The following INTU variants were observed in gnomAD, a reference collection of about 807,000 sequenced individuals.
The protein encoded by INTU is protein inturned.
Under a neutral mutation model 100.5 loss-of-function variants are expected in INTU, and 68 were observed. That is an observed-to-expected ratio of 0.68 (90% CI 0.56 to 0.83). The LOEUF is 0.83. Ranked by LOEUF, INTU falls within the 40% of genes least tolerant of loss-of-function variation. The pLI is 0.00. For missense variants in INTU, 1,071 were observed against 1,114.7 expected, an observed-to-expected ratio of 0.96 and a Z score of 0.56; for synonymous variants, 357 against 395.7, an observed-to-expected ratio of 0.90 and a Z score of 1.16.
chr4:127,636,690 C>T (rs1727089592), intron 1 of INTU, among the ~76,000 whole-genome samples: 1 of 151,014 alleles, frequency 6.6e-6, no homozygotes, highest in African/African-American at 2.4e-5. Context: ...TTTGTTCTGC[C>T]AGAGTTACAT....
At chr4:127,671,134 A>T (rs1328458446) in intron 5 of INTU, among the ~76,000 whole-genome samples, 1 of 152,104 alleles carries the variant, frequency 6.6e-6, no homozygotes, top group East Asian at 1.9e-4. Context: ...TAAACTGAAA[A>T]GTTTCTACAC....
Position 127,706,831 on chromosome 4 carries a change from T to G in INTU, c.2133T>G (p.Cys711Trp), listed in dbSNP as rs781734583. The stretch of plus-strand genomic sequence containing the variant: ...AGACACGCAAGCCTAGTCCTTCCTG[T>G]AGTAGTGGAGGATCTGACAATGGTT... ...SLKTRKPSPS[C>W]SSGGSDNGCE... Residue 711 changes from cysteine (C) to tryptophan (W), a missense_variant, in exon 12 of 16, where the codon TGT becomes TGG. Transcript: ENST00000335251. The G allele has an allele frequency of 1.4e-5, 22 of 1,614,058 alleles. No homozygotes were observed. Among genetic ancestry groups the G allele is most frequent in the Middle Eastern group, 1.7e-4 (1 of 6,056 alleles).
intron 13 of INTU, among the ~76,000 whole-genome samples, chr4:127,709,187 G>A (rs1309991949): frequency 6.6e-6 from 1 of 152,196 alleles, no homozygotes; most frequent in African/African-American, 2.4e-5. Flanking sequence ...AAATAAGTGA[G>A]TACAAAGGCT....
chr4:127,702,846 G>A (rs1042609757), intron 9 of INTU, among the ~76,000 whole-genome samples: 7 of 152,026 alleles, frequency 4.6e-5, no homozygotes, highest in African/African-American at 1.4e-4. Flanking sequence ...CTGTCCCCAT[G>A]ATTTTGCCTT....
intron 5 of INTU, among the ~76,000 whole-genome samples, 167 bp downstream of exon 5, chr4:127,669,321 C>A (rs1360728686): frequency 6.6e-6 from 1 of 151,578 alleles, no homozygotes; most frequent in Non-Finnish European, 1.5e-5. Context: ...TATATCTATA[C>A]ATTATAGATA....
At chr4:127,665,562 G>A (rs548548183) in intron 4 of INTU, among the ~76,000 whole-genome samples, 1 of 152,194 alleles carries the variant, frequency 6.6e-6, no homozygotes, top group South Asian at 2.1e-4. Context: ...TAGGCTACTT[G>A]CTATAACAAA....
intron 2 of INTU, 127 bp from the exon 3 acceptor site, chr4:127,656,509 G>T (rs1728232868): frequency 1.6e-6 from 1 of 627,670 alleles, no homozygotes; most frequent in Non-Finnish European, 2.9e-6. Flanking sequence ...ACAAGTTCCT[G>T]CTTGTCTGCA....
chr4:127,634,125 G>T (rs1726964088), intron 1 of INTU, among the ~76,000 whole-genome samples: 1 of 152,162 alleles, frequency 6.6e-6, no homozygotes, highest in Admixed American at 6.5e-5. Flanking sequence ...GTATGTAAAA[G>T]ATTTTTATCA....
At chr4:127,667,540 G>T (rs73847037) in intron 4 of INTU, among the ~76,000 whole-genome samples, 2,647 of 152,124 alleles carry the variant, frequency 0.017, 67 homozygotes, top group African/African-American at 0.06. Context: ...CAAGTCACAA[G>T]ATTTCAAAAT....
Position 127,644,026 on chromosome 4 carries a change from T to TC in INTU, c.653dup (p.Ala219CysfsTer11). On this transcript the variant is annotated frameshift_variant, in exon 2 of 16. Coordinates refer to ENST00000335251, the MANE Select transcript of INTU (RefSeq NM_015693.4). LOFTEE classifies it high-confidence loss of function. ...GGTTCATGGCCTGCTGCCAGGGGGA[T>TC]CTGCTATGAAGAGCGGTCAGGTACT... 1.9e-6 allele frequency: 3 copies of TC among 1,614,128 alleles called. No homozygotes were observed. The highest frequency in any genetic ancestry group is 2.5e-6 in the Non-Finnish European group (3 of 1,179,962).
chr4:127,707,044 AT>A, intron 12 of INTU, 75 bp downstream of exon 12: 3 of 1,472,380 alleles, frequency 2.0e-6, no homozygotes, highest in Non-Finnish European at 2.7e-6. Context: ...ATTGCAAGAC[AT>A]TTTTTTAGTG....
At chr4:127,647,991 G>A (rs2126182702) in intron 2 of INTU, among the ~76,000 whole-genome samples, 1 of 152,160 alleles carries the variant, frequency 6.6e-6, no homozygotes, top group South Asian at 2.1e-4. Flanking sequence ...GAAATTGATG[G>A]CTTTTCTCAC....
In INTU at chr4:127,722,789, C is replaced by T. The variant is rs1036102097; in HGVS notation, c.*6353C>T. On this transcript the variant is annotated 3_prime_UTR_variant, in exon 16 of 16. Transcript: ENST00000335251. ...GCCTCCCCTCCCTTCTCCCCCCTCT[C>T]CTTCCCCACTTCCAGAACTCAGTCG... 6.6e-6 allele frequency: 1 copy of T among 152,468 alleles called. No individual in the cohort carries two copies. The highest frequency in any genetic ancestry group is 1.5e-5 in the Non-Finnish European group (1 of 68,268). The allele number at this position is 152,468 out of a possible 1,614,324, so 9.4% of individuals were successfully genotyped here.
chr4:127,691,962 G>GTGTGTGTATATATATATA lies in INTU; in HGVS notation c.1449+4096_1449+4097insGTGTGTATATATATATAT. ...GGCGGAGTATAGTGTTCCATGGTAT[G>GTGTGTGTATATATATATA]TATATATATATATATATATGTCACA... On this transcript the variant is annotated intron_variant, in intron 8 of 15. Transcript: ENST00000335251. 6.1e-4 allele frequency among the ~76,000 whole-genome samples: 60 copies of GTGTGTGTATATATATATA among 98,260 alleles called. 6 individuals are homozygous for GTGTGTGTATATATATATA. Among genetic ancestry groups the GTGTGTGTATATATATATA allele is most frequent in the African/African-American group, 2.2e-3 (55 of 24,936 alleles). 64.5% of individuals were successfully genotyped at this position (98,260 alleles called of 152,430 possible).
rs1728806946 is a variant in INTU, at chr4:127,668,913, A to G, written c.973-123A>G. The G allele has an allele frequency of 1.4e-5, 8 of 553,020 alleles. No homozygotes were observed. In the East Asian group the frequency reaches 2.0e-4, roughly 14 times the overall value. The allele number at this position is 553,020 out of a possible 1,614,324, so 34.3% of individuals were successfully genotyped here. ...ATAGTTCTCCCCTTGTGTTTGAACA[A>G]AACTCCCACTGAAGCTGAAAGGATT... On this transcript the variant is annotated intron_variant, in intron 4 of 15. Transcript: ENST00000335251.
chr4:127,688,529 A>T (rs1022864432), intron 8 of INTU, among the ~76,000 whole-genome samples: 3 of 152,198 alleles, frequency 2.0e-5, no homozygotes, highest in Non-Finnish European at 2.9e-5. Context: ...TGCCATAGCC[A>T]CTTCTCTGCT....
At position 127,717,114 on chromosome 4, in the gene INTU, A is replaced by T. The variant is rs1731280015; in HGVS notation, c.*678A>T. ...CCATCACCTAGGTATTAAGCCTAGCATGCATTAGCTATTTTTCCTAATACT... is the reference window on the plus strand; with the variant it reads ...CCATCACCTAGGTATTAAGCCTAGCTTGCATTAGCTATTTTTCCTAATACT... On this transcript the variant is annotated 3_prime_UTR_variant, in exon 16 of 16. Coordinates refer to ENST00000335251, the MANE Select transcript of INTU (RefSeq NM_015693.4). 2 of 152,106 alleles carry T rather than the reference A, an allele frequency of 1.3e-5. No individual in the cohort carries two copies. The highest frequency in any genetic ancestry group is 2.9e-5 in the Non-Finnish European group (2 of 67,998). The allele number at this position is 152,106 out of a possible 1,614,324, so 9.4% of individuals were successfully genotyped here. A position where few individuals can be genotyped will look rare whatever the true frequency, so the allele number is the denominator to read the frequency against.
At chr4:127,660,116 G>GTGGT (rs1442142952) in intron 3 of INTU, among the ~76,000 whole-genome samples, 3 of 152,164 alleles carry the variant, frequency 2.0e-5, no homozygotes. Context: ...AGGAAACCAG[G>GTGGT]TGGTTGGGTT....
intron 8 of INTU, among the ~76,000 whole-genome samples, chr4:127,692,434 ATTGT>A (rs1730190479): frequency 6.6e-6 from 1 of 151,326 alleles, no homozygotes; most frequent in South Asian, 2.1e-4. Context: ...TTTTGATGGG[ATTGT>A]TTGTTTTTTT....
Sources: allele counts gnomAD v4.1 joint callset (sites outside exome capture counted in the v4.1 genomes callset), GRCh38; gene constraint gnomAD v4.1.1; transcripts MANE v1.5; gene names NCBI Gene and HGNC (gene_info 2026-07-23, HGNC 2026-07-21).